The following NEGR1 variants were observed in gnomAD, a reference collection of about 807,000 sequenced individuals.
NEGR1 encodes the protein neuronal growth regulator 1.
NEGR1 carries 10 observed loss-of-function variants against 40.9 expected under a neutral mutation model. The observed-to-expected ratio is 0.24, with a 90% CI of 0.15 to 0.42. NEGR1 has a LOEUF of 0.42. Among genes scored for constraint, NEGR1 ranks in the 10% least tolerant of loss-of-function variants. The pLI is 1.00. For missense variants in NEGR1, 352 were observed against 438.9 expected (o/e 0.80, Z 1.77); for synonymous variants, 185 against 166.8 (o/e 1.11, Z -0.84).
At chr1:72,105,830 C>CT (rs1323111117) in intron 1 of NEGR1, among the ~76,000 whole-genome samples, 1 of 151,918 alleles carries the variant, frequency 6.6e-6, no homozygotes, top group African/African-American at 2.4e-5. Flanking sequence ...TATGAAAGGT[C>CT]TTTAACTAAC....
intron 6 of NEGR1, among the ~76,000 whole-genome samples, chr1:71,451,491 G>A (rs535376826): frequency 2.6e-5 from 4 of 151,782 alleles, no homozygotes; most frequent in Non-Finnish European, 4.4e-5. Flanking sequence ...CCGCCACCAC[G>A]CCCAGATAAT....
At chr1:71,664,391 T>A (rs777001248) in intron 4 of NEGR1, among the ~76,000 whole-genome samples, 24 of 152,310 alleles carry the variant, frequency 1.6e-4, no homozygotes, top group Non-Finnish European at 2.8e-4. Flanking sequence ...TCCTTGTAAT[T>A]TCTATTATTT....
At chr1:72,191,571 G>A (rs538490276) in intron 1 of NEGR1, among the ~76,000 whole-genome samples, 2 of 151,884 alleles carry the variant, frequency 1.3e-5, no homozygotes, top group East Asian at 3.9e-4. Flanking sequence ...TAGGGTATGT[G>A]TATACTTCAT....
chr1:71,585,326 C>T (rs931531921), intron 6 of NEGR1, among the ~76,000 whole-genome samples: 2 of 152,064 alleles, frequency 1.3e-5, no homozygotes, highest in African/African-American at 2.4e-5. Context: ...TTAGTCTAGT[C>T]CCCTCATATT....
chr1:72,274,264 T>C (rs1428324628), intron 1 of NEGR1, among the ~76,000 whole-genome samples: 2 of 152,206 alleles, frequency 1.3e-5, no homozygotes, highest in East Asian at 1.9e-4. Context: ...GTCTGGAGTT[T>C]GGTTAGAATT....
intron 1 of NEGR1, among the ~76,000 whole-genome samples, chr1:72,021,256 T>A (rs1646753623): frequency 6.6e-6 from 1 of 152,160 alleles, no homozygotes; most frequent in Non-Finnish European, 1.5e-5. Flanking sequence ...TATACTACCC[T>A]ATCAAAGTTT....
chr1:72,125,723 T>C (rs1195469062), intron 1 of NEGR1, among the ~76,000 whole-genome samples: 1 of 152,164 alleles, frequency 6.6e-6, no homozygotes, highest in African/African-American at 2.4e-5. Flanking sequence ...CTATGTTAAT[T>C]TTGAACATTT....
At chr1:71,481,018 G>C (rs988003928) in intron 6 of NEGR1, among the ~76,000 whole-genome samples, 3 of 151,752 alleles carry the variant, frequency 2.0e-5, no homozygotes, top group Non-Finnish European at 4.4e-5. Flanking sequence ...AATAGCTAAT[G>C]CTTATTAAAA....
chr1:71,934,991 T>C lies in NEGR1; in HGVS notation c.409+88A>G, dbSNP rs770670668. ...AATGACAACAAATATTTCAACATTG[T>C]TAACTGCTTCCTAGTCATTTTGATA... On this transcript the variant is annotated intron_variant, in intron 2 of 6. Transcript: ENST00000357731. The C allele has an allele frequency of 5.3e-6, 4 of 748,304 alleles. No homozygotes were observed. The East Asian group carries it at 1.1e-4, about 20-fold the overall frequency. 46.4% of individuals were successfully genotyped at this position (748,304 alleles called of 1,614,324 possible).
chr1:71,439,548 A>G (rs2101309899), intron 6 of NEGR1, among the ~76,000 whole-genome samples: 1 of 152,234 alleles, frequency 6.6e-6, no homozygotes, highest in Non-Finnish European at 1.5e-5. Flanking sequence ...TTTTCTGTAG[A>G]GACAGAGTTT....
intron 6 of NEGR1, among the ~76,000 whole-genome samples, chr1:71,460,110 G>A (rs909561568): frequency 6.6e-6 from 1 of 152,176 alleles, no homozygotes; most frequent in Non-Finnish European, 1.5e-5. Flanking sequence ...TATTATAGTA[G>A]ATAACTAATG....
At chr1:71,740,036 T>C (rs1570280498) in intron 3 of NEGR1, among the ~76,000 whole-genome samples, 1 of 152,196 alleles carries the variant, frequency 6.6e-6, no homozygotes, top group South Asian at 2.1e-4. Context: ...GTTCAAATTC[T>C]TCATGATACC....
intron 1 of NEGR1, among the ~76,000 whole-genome samples, chr1:72,161,681 T>TC (rs1344115999): frequency 8.9e-5 from 12 of 134,416 alleles, no homozygotes; most frequent in Non-Finnish European, 1.6e-4. Context: ...TCTTTCTTTT[T>TC]TTTTTTTTTT....
intron 2 of NEGR1, among the ~76,000 whole-genome samples, chr1:71,824,129 G>T (rs1658532920): frequency 6.6e-6 from 1 of 151,906 alleles, no homozygotes; most frequent in Non-Finnish European, 1.5e-5. Context: ...AGGATACATT[G>T]TGGTACACAG....
chr1:72,134,925 C>T (rs1163642924), intron 1 of NEGR1, among the ~76,000 whole-genome samples: 7 of 150,600 alleles, frequency 4.6e-5, no homozygotes, highest in Admixed American at 2.0e-4. Context: ...TTAGTAGAGA[C>T]GGGGTTTCTC....
chr1:72,123,049 T>C lies in NEGR1; in HGVS notation c.176+159270A>G, dbSNP rs114108379. 1.6e-3 allele frequency among the ~76,000 whole-genome samples: 248 copies of C among 152,070 alleles called. 2 individuals carry two copies. The highest frequency in any genetic ancestry group is 5.9e-3 in the African/African-American group (246 of 41,558). ...ATTGTTTTCCATGTTATTAAATCTGTTTCATGCCAGAAATTTTATTTAGGG... is the reference window on the plus strand; with the variant it reads ...ATTGTTTTCCATGTTATTAAATCTGCTTCATGCCAGAAATTTTATTTAGGG... On this transcript the variant is annotated intron_variant, in intron 1 of 6. Coordinates refer to ENST00000357731, the MANE Select transcript of NEGR1 (RefSeq NM_173808.3).
chr1:71,903,073 T>A (rs1347649826), intron 2 of NEGR1, among the ~76,000 whole-genome samples: 1 of 151,880 alleles, frequency 6.6e-6, no homozygotes, highest in East Asian at 1.9e-4. Flanking sequence ...GATTTTTAGA[T>A]CAAATAAAAA....
intron 1 of NEGR1, among the ~76,000 whole-genome samples, chr1:72,075,920 G>T (rs1478068062): frequency 6.6e-6 from 1 of 152,098 alleles, no homozygotes; most frequent in Non-Finnish European, 1.5e-5. Flanking sequence ...TCTCTGGGTG[G>T]TTGTTGTTGA....
chr1:71,832,318 G>A (rs1276687579), intron 2 of NEGR1, among the ~76,000 whole-genome samples: 2 of 151,982 alleles, frequency 1.3e-5, no homozygotes, highest in African/African-American at 4.8e-5. Context: ...TGTGCCATAT[G>A]TCTGAAAGCT....
Sources: allele counts gnomAD v4.1 joint callset (sites outside exome capture counted in the v4.1 genomes callset), GRCh38; gene constraint gnomAD v4.1.1; transcripts MANE v1.5; gene names NCBI Gene and HGNC (gene_info 2026-07-23, HGNC 2026-07-21).